The following LARP1B variants were observed in gnomAD, a reference collection of about 807,000 sequenced individuals.
LARP1B encodes the protein la-related protein 1B.
LARP1B carries 76 observed loss-of-function variants against 114.2 expected under a neutral mutation model. That is an observed-to-expected ratio of 0.67 (90% CI 0.55 to 0.81). The LOEUF (loss-of-function observed/expected upper bound fraction) is 0.81, where lower values mean the gene tolerates loss of function less well. LARP1B is among the 30% of genes least tolerant of loss of function. LARP1B has a pLI of 0.00. For missense variants in LARP1B, 1,014 were observed against 1,075.8 expected, an observed-to-expected ratio of 0.94 and a Z score of 0.80; for synonymous variants, 345 against 348.0, an observed-to-expected ratio of 0.99 and a Z score of 0.10.
At chr4:128,073,372 C>T (rs1256690192) in intron 1 of LARP1B, among the ~76,000 whole-genome samples, 12 of 116,308 alleles carry the variant, frequency 1.0e-4, no homozygotes, top group African/African-American at 2.6e-4. Flanking sequence ...GCCAAGATTG[C>T]GCCACTGCAC....
At chr4:128,094,192 T>A (rs898336434) in intron 7 of LARP1B, among the ~76,000 whole-genome samples, 1 of 152,116 alleles carries the variant, frequency 6.6e-6, no homozygotes, top group African/African-American at 2.4e-5. Flanking sequence ...CCCAAAGTGC[T>A]GGGATTACAG....
chr4:128,181,364 G>T (rs1393452623), intron 15 of LARP1B, among the ~76,000 whole-genome samples: 1 of 151,884 alleles, frequency 6.6e-6, no homozygotes, highest in Non-Finnish European at 1.5e-5. Flanking sequence ...TTTTAGTAGA[G>T]ATGGGGTTTC....
At position 128,091,090 on chromosome 4, in the gene LARP1B, G is replaced by A; in HGVS notation, c.448G>A (p.Gly150Ser). The A allele has an allele frequency of 6.2e-7, 1 of 1,613,908 alleles. No individual in the cohort carries two copies. Among genetic ancestry groups the A allele is most frequent in the African/African-American group, 1.3e-5 (1 of 75,040 alleles). ...TGGTAATATCCGAGGTTCCTTTAGA[G>A]GTCGAGGAAGAGGCCGAGGACGGGG... ...EGGNIRGSFR[G>S]RGRGRGRGRG... The change falls in exon 6 of 20, where the codon GGT becomes AGT. Residue 150 changes from glycine (G) to serine (S), a missense_variant. Coordinates refer to ENST00000326639, the MANE Select transcript of LARP1B (RefSeq NM_018078.4).
At chr4:128,090,948 T>C in intron 5 of LARP1B, 53 bp from the exon 6 acceptor site, 1 of 1,347,632 alleles carries the variant, frequency 7.4e-7, no homozygotes, top group Non-Finnish European at 1.0e-6. Flanking sequence ...AAGACAATCA[T>C]GTTATTTTAC....
At chr4:128,065,253 A>ATTTCTTTCTTTCTTTC (rs199707342) in intron 1 of LARP1B, among the ~76,000 whole-genome samples, 134 of 89,584 alleles carry the variant, frequency 1.5e-3, no homozygotes, top group East Asian at 3.0e-3. Flanking sequence ...CCCACAATTA[A>ATTTCTTTCTTTCTTTC]TTTCTTTCTT....
intron 1 of LARP1B, among the ~76,000 whole-genome samples, chr4:128,062,568 T>C (rs1429320416): frequency 1.3e-5 from 2 of 149,818 alleles, no homozygotes; most frequent in African/African-American, 4.9e-5. Context: ...ACTGCAGTGC[T>C]TCGTATGGGA....
At chr4:128,149,317 C>T (rs577095707) in intron 11 of LARP1B, among the ~76,000 whole-genome samples, 3 of 151,992 alleles carry the variant, frequency 2.0e-5, no homozygotes, top group Non-Finnish European at 4.4e-5. Context: ...GAATAAAGAG[C>T]AATTGCAGTT....
chr4:128,158,189 G>C (rs75168861), intron 11 of LARP1B, among the ~76,000 whole-genome samples: 2,736 of 152,078 alleles, frequency 0.018, 65 homozygotes, highest in East Asian at 0.11. Context: ...CAGGCAAATA[G>C]GTGCATTCAT....
chr4:128,148,303 C>T (rs542386280), intron 11 of LARP1B, among the ~76,000 whole-genome samples: 4 of 151,950 alleles, frequency 2.6e-5, no homozygotes, highest in East Asian at 1.9e-4. Flanking sequence ...TGGTGGTGGG[C>T]GCCTATAACC....
At position 128,122,453 on chromosome 4, in the gene LARP1B, TG is replaced by T. The variant is rs1178092126; in HGVS notation, c.1524+266del. 40 of 1,506,344 alleles carry T rather than the reference TG, an allele frequency of 2.7e-5. No individual in the cohort carries two copies. The African/African-American group carries it at 3.8e-4, about 14-fold the overall frequency. The allele number at this position is 1,506,344 out of a possible 1,614,324, so 93.3% of individuals were successfully genotyped here. ...TTATACCCTTGTTTTTTTTTTTTTT[TG>T]TTTTGTTTTTTTTTGTTTTTGTTTT... is the stretch of plus-strand genomic sequence containing the variant. On this transcript the variant is annotated intron_variant, in intron 11 of 19. Transcript: ENST00000326639.
At chr4:128,123,250 G>T (rs1363031561) in intron 11 of LARP1B, 1 of 985,292 alleles carries the variant, frequency 1.0e-6, no homozygotes, top group Non-Finnish European at 1.2e-6. Context: ...CTTGTTACGT[G>T]ACTTAGAGCC....
intron 11 of LARP1B, among the ~76,000 whole-genome samples, chr4:128,153,132 G>A (rs749808880): frequency 4.7e-5 from 7 of 149,940 alleles, no homozygotes; most frequent in Non-Finnish European, 7.4e-5. Flanking sequence ...ACAGGTGCCC[G>A]CCAGCACACC....
chr4:128,089,405 G>A (rs1433882230), intron 5 of LARP1B, among the ~76,000 whole-genome samples: 5 of 152,022 alleles, frequency 3.3e-5, no homozygotes, highest in Non-Finnish European at 7.3e-5. Context: ...GCGAGGTCTC[G>A]GCTCACTGCA....
intron 15 of LARP1B, among the ~76,000 whole-genome samples, chr4:128,197,866 GAA>G (rs1754735596): frequency 1.5e-5 from 2 of 134,476 alleles, no homozygotes; most frequent in African/African-American, 5.4e-5. Flanking sequence ...TTTGCTTTAA[GAA>G]AACGATTGTA....
intron 11 of LARP1B, among the ~76,000 whole-genome samples, chr4:128,153,719 A>G (rs1734039850): frequency 6.6e-6 from 1 of 152,140 alleles, no homozygotes; most frequent in African/African-American, 2.4e-5. Context: ...GTTTTTATTT[A>G]TTAACTGTAT....
At position 128,065,299 on chromosome 4, in the gene LARP1B, TTCTTTCTTTCTTTCTTTCTC is replaced by T. The variant is rs1486322345; in HGVS notation, c.-78+3902_-78+3921del. On this transcript the variant is annotated intron_variant, in intron 1 of 19. Coordinates refer to ENST00000326639, the MANE Select transcript of LARP1B (RefSeq NM_018078.4). ...TTTCTTTCTTTCTTTCTTTCTTTCTTTCTTTCTTTCTTTCTTTCTCTCTCTCTCTCTCTTTCCTTTCTTTT... is the reference window on the plus strand; with the variant it reads ...TTTCTTTCTTTCTTTCTTTCTTTCTTTCTCTCTCTCTCTTTCCTTTCTTTT... Among the ~76,000 whole-genome samples the T allele has an allele frequency of 4.8e-3, 611 of 128,016 alleles. 6 individuals are homozygous for T. The highest frequency in any genetic ancestry group is 8.9e-3 in the South Asian group (35 of 3,948). The allele number at this position is 128,016 out of a possible 152,430, so 84.0% of individuals were successfully genotyped here.
intron 15 of LARP1B, among the ~76,000 whole-genome samples, chr4:128,188,425 G>T (rs923066708): frequency 4.6e-5 from 7 of 152,050 alleles, no homozygotes; most frequent in South Asian, 2.1e-4. Context: ...CTAGCTGAAG[G>T]TTTGTTGATT....
At chr4:128,142,674 A>G (rs1026044487) in intron 11 of LARP1B, among the ~76,000 whole-genome samples, 2 of 151,890 alleles carry the variant, frequency 1.3e-5, no homozygotes, top group East Asian at 2.0e-4. Context: ...ACACCTGGCT[A>G]ATTTTGTATT....
chr4:128,201,206 A>G (rs370566616), intron 17 of LARP1B, among the ~76,000 whole-genome samples: 27 of 152,178 alleles, frequency 1.8e-4, no homozygotes, highest in African/African-American at 6.0e-4. Context: ...GTGGCATACC[A>G]TTATTTCTGC....
Sources: allele counts gnomAD v4.1 joint callset (sites outside exome capture counted in the v4.1 genomes callset), GRCh38; gene constraint gnomAD v4.1.1; transcripts MANE v1.5; gene names NCBI Gene and HGNC (gene_info 2026-07-23, HGNC 2026-07-21).